Variants in FASTKD3 observed in about 807,000 individuals in gnomAD.
The protein encoded by FASTKD3 is FAST kinase domain-containing protein 3, mitochondrial.
FASTKD3 carries 47 observed loss-of-function variants against 49.7 expected under a neutral mutation model. That is an observed-to-expected ratio of 0.95 (90% CI 0.75 to 1.21). FASTKD3 has a LOEUF of 1.21. FASTKD3 is among the 50% of genes most tolerant of loss of function. FASTKD3 has a pLI of 0.00. For synonymous variants in FASTKD3, 284 were observed against 288.6 expected, an observed-to-expected ratio of 0.98 and a Z score of 0.16; for missense variants, 748 against 765.7, an observed-to-expected ratio of 0.98 and a Z score of 0.27.
In FASTKD3 at chr5:7,866,816, G is replaced by A. The variant is rs145140718; in HGVS notation, c.1268C>T (p.Pro423Leu). ...EPFGKLNYLP[P>L]NASALFRKLE... is the part of the protein sequence containing the mutation. ...CTTTCTAAATAAAGCAGAGGCATTTGGTGGCAAATAATTGAGTTTCCCAAA... is the reference window on the plus strand; with the variant it reads ...CTTTCTAAATAAAGCAGAGGCATTTAGTGGCAAATAATTGAGTTTCCCAAA... Residue 423 changes from proline (P) to leucine (L), a missense_variant, in exon 2 of 7, where the codon CCA (proline) becomes CTA (leucine). This residue lies in a region of FASTKD3 where 564 missense variants were observed against 562.8 expected (regional missense o/e 1.00). Transcript: ENST00000264669. The A allele has an allele frequency of 3.1e-5, 50 of 1,614,126 alleles. No individual in the cohort carries two copies. The highest frequency in any genetic ancestry group is 4.2e-5 in the Non-Finnish European group (49 of 1,180,020).
intron 1 of FASTKD3, 144 bp from the exon 2 acceptor site, chr5:7,868,340 C>G (rs964955617): frequency 7.1e-6 from 3 of 423,744 alleles, no homozygotes; most frequent in Admixed American, 4.0e-5. Flanking sequence ...TGTAGGTATT[C>G]TATTAACTTA....
rs568992428 is a variant in FASTKD3 at position 7,863,250 on chromosome 5, A to G, written c.1525-253T>C. ...CACTGGTTACCATAAACAGAAAGAA[A>G]AGTAAAGAAGGAAGGTAAAAAGGAG... On this transcript the variant is annotated intron_variant, in intron 3 of 6. Coordinates refer to ENST00000264669, the MANE Select transcript of FASTKD3 (RefSeq NM_024091.4). 2.8e-5 allele frequency: 12 copies of G among 431,812 alleles called. No individual in the cohort carries two copies. In the South Asian group the frequency reaches 2.9e-4, roughly 10 times the overall value. The allele number at this position is 431,812 out of a possible 1,614,324, so 26.7% of individuals were successfully genotyped here. A position where few individuals can be genotyped will look rare whatever the true frequency, so the allele number is the denominator to read the frequency against.
intron 4 of FASTKD3, 148 bp from the exon 5 acceptor site, chr5:7,861,800 A>G (rs1746567736): frequency 8.1e-6 from 11 of 1,366,254 alleles, no homozygotes; most frequent in Non-Finnish European, 1.0e-5. Context: ...ACAACCAAAC[A>G]ATGGTGAGAA....
intron 6 of FASTKD3, 55 bp downstream of exon 6, chr5:7,861,093 AT>A: frequency 9.4e-7 from 1 of 1,068,728 alleles, no homozygotes. Context: ...ACCTGGAAAA[AT>A]AATTTTGAAA....
chr5:7,867,524 A>C lies in FASTKD3; in HGVS notation c.560T>G (p.Leu187Arg), dbSNP rs772742556. ...GCTACTTTGAGGATCCACATGCAAC[A>C]GAATCAGAGCTTGCAAAGCAGTCAC... ...SLVTALQALI[L>R]LHVDPQSSLL... Residue 187 changes from leucine to arginine, a missense_variant, in exon 2 of 7, where the codon CTG becomes CGG. Physicochemically the swap from Leu to Arg is moderately radical, Grantham distance 102. Coordinates refer to ENST00000264669, the MANE Select transcript of FASTKD3 (RefSeq NM_024091.4). 6.2e-7 allele frequency: 1 copy of C among 1,614,166 alleles called. No individual in the cohort carries two copies. The highest frequency in any genetic ancestry group is 8.5e-7 in the Non-Finnish European group (1 of 1,180,060).
At position 7,868,206 on chromosome 5, in the gene FASTKD3, A is replaced by G. The variant is rs1579567441; in HGVS notation, c.-113-10T>C. 1.0e-5 allele frequency: 4 copies of G among 398,568 alleles called. No homozygotes were observed. Among genetic ancestry groups the G allele is most frequent in the East Asian group, 1.2e-4 (2 of 16,882 alleles). 24.7% of individuals were successfully genotyped at this position (398,568 alleles called of 1,614,324 possible). A position where few individuals can be genotyped will look rare whatever the true frequency, so the allele number is the denominator to read the frequency against. ...AACTACAAACGAGTATCTGGAAAAA[A>G]AAAAAAAAAAAAAAAAAGGATGGTT... On this transcript the variant is annotated splice_polypyrimidine_tract_variant and intron_variant, in intron 1 of 6. Coordinates refer to ENST00000264669, the MANE Select transcript of FASTKD3 (RefSeq NM_024091.4).
intron 4 of FASTKD3, 170 bp from the exon 5 acceptor site, chr5:7,861,822 T>C (rs747798900): frequency 1.8e-5 from 24 of 1,328,934 alleles, no homozygotes; most frequent in Admixed American, 3.1e-5. Context: ...TTTAATTCAA[T>C]TGGCTTTATG....
At position 7,867,295 on chromosome 5, in the gene FASTKD3, C is replaced by G. The variant is rs1220964614; in HGVS notation, c.789G>C (p.Leu263Phe). 1.2e-5 allele frequency: 20 copies of G among 1,613,582 alleles called. No homozygotes were observed. The highest frequency in any genetic ancestry group is 5.0e-5 in the Admixed American group (3 of 60,004). ...PEDIVALYRI[L>F]QACTEKVDEH... ...CATCCACTTTTTCAGTACATGCCTG[C>G]AAGATTCTATAAAGGGCCACAATAT... is the stretch of plus-strand genomic sequence containing the variant. The change falls in exon 2 of 7, where the codon TTG (leucine) becomes TTC (phenylalanine). Residue 263 changes from leucine to phenylalanine, a missense_variant. By Grantham distance (22) the Leu-to-Phe change is conservative. Transcript: ENST00000264669.
chr5:7,860,514 T>C (rs1262109524), intron 6 of FASTKD3, among the ~76,000 whole-genome samples: 1 of 152,204 alleles, frequency 6.6e-6, no homozygotes, highest in African/African-American at 2.4e-5. Flanking sequence ...ATAATGAATA[T>C]AGGTAGGCCC....
At chr5:7,868,286 C>T in intron 1 of FASTKD3, 90 bp from the exon 2 acceptor site, 1 of 511,234 alleles carries the variant, frequency 2.0e-6, no homozygotes, top group Non-Finnish European at 3.4e-6. Flanking sequence ...AGAAGAGTGG[C>T]TGACATTGAA....
chr5:7,867,892 C>T lies in FASTKD3; in HGVS notation c.192G>A (p.Lys64=), dbSNP rs756768452. The change falls in exon 2 of 7, where the codon AAG becomes AAA. Residue 64 remains lysine (K), a synonymous_variant. Transcript: ENST00000264669. ...GVKFHHAHCK[K]FHSKNGNDLH... The stretch of plus-strand genomic sequence containing the variant: ...GGTCATTTCCATTTTTCGAATGAAA[C>T]TTTTTACAATGGGCATGATGGAATT... 2.5e-6 allele frequency: 4 copies of T among 1,613,886 alleles called. No individual in the cohort carries two copies. Among genetic ancestry groups the T allele is most frequent in the South Asian group, 1.1e-5 (1 of 91,048 alleles).
At position 7,867,983 on chromosome 5, in the gene FASTKD3, T is replaced by C; in HGVS notation, c.101A>G (p.His34Arg). Reference protein sequence around the residue: ...ALKNKPLNHVHKVVKERLCPW... With the variant: ...ALKNKPLNHVRKVVKERLCPW... ...GCACAGACGCTCCTTGACTACCTTG[T>C]GAACATGATTTAGAGGTTTATTTTT... Residue 34 changes from histidine (H) to arginine (R), a missense_variant, in exon 2 of 7, where the codon CAC (histidine) becomes CGC (arginine). By Grantham distance (29) the His-to-Arg change is conservative (BLOSUM62 0). This residue lies in a region of FASTKD3 where 564 missense variants were observed against 562.8 expected (regional missense o/e 1.00). Coordinates refer to ENST00000264669, the MANE Select transcript of FASTKD3 (RefSeq NM_024091.4). 1 of 1,614,174 alleles carries C rather than the reference T, an allele frequency of 6.2e-7. No homozygotes were observed. The highest frequency in any genetic ancestry group is 8.5e-7 in the Non-Finnish European group (1 of 1,180,030).
chr5:7,867,286 A>C lies in FASTKD3; in HGVS notation c.798T>G (p.Cys266Trp). 2 of 1,613,782 alleles carry C rather than the reference A, an allele frequency of 1.2e-6. No individual in the cohort carries two copies. Among genetic ancestry groups the C allele is most frequent in the Admixed American group, 3.3e-5 (2 of 60,032 alleles). Residue 266 changes from cysteine to tryptophan, a missense_variant, in exon 2 of 7, where the codon TGT becomes TGG. Transcript: ENST00000264669. Reference protein sequence around the residue: ...IVALYRILQACTEKVDEHQTF... With the variant: ...IVALYRILQAWTEKVDEHQTF... ...TTTGGTGTTCATCCACTTTTTCAGT[A>C]CATGCCTGCAAGATTCTATAAAGGG...
rs147816364 is a variant in FASTKD3, at chr5:7,865,295, T to A, written c.1524+603A>T. Among the ~76,000 whole-genome samples, 519 of 152,262 alleles carry A rather than the reference T, an allele frequency of 3.4e-3. 6 individuals are homozygous for A. Among genetic ancestry groups the A allele is most frequent in the African/African-American group, 0.012 (497 of 41,554 alleles). On this transcript the variant is annotated intron_variant, in intron 3 of 6. Transcript: ENST00000264669. ...AAAAAGGGGTATTTTTCCATTCTTA[T>A]TACCTTATTTCAAAAATCAGATACT...
chr5:7,864,550 TAAAGAC>T (rs907070519), intron 3 of FASTKD3, among the ~76,000 whole-genome samples: 16 of 152,248 alleles, frequency 1.1e-4, no homozygotes, highest in Admixed American at 6.5e-4. Flanking sequence ...AATGAGTCCT[TAAAGAC>T]AAACCATCCA....
At chr5:7,861,813 T>G in intron 4 of FASTKD3, 161 bp from the exon 5 acceptor site, 1 of 1,341,504 alleles carries the variant, frequency 7.5e-7, no homozygotes, top group Non-Finnish European at 9.6e-7. Flanking sequence ...GGTGAGAATT[T>G]TAATTCAATT....
rs982537931 is a variant in FASTKD3, at chr5:7,866,656, T to C, written c.1428A>G (p.Gln476=). The change falls in exon 2 of 7, where the codon CAA becomes CAG. Residue 476 remains glutamine, a synonymous_variant. Coordinates refer to ENST00000264669, the MANE Select transcript of FASTKD3 (RefSeq NM_024091.4). Reference sequence around the variant, plus strand: ...TTATAACCAACTCACCTTGCAGCCGTTGAAGGAAAAGAGGCTTGAATATTT... The same window carrying C: ...TTATAACCAACTCACCTTGCAGCCGCTGAAGGAAAAGAGGCTTGAATATTT... The part of the protein sequence containing the change: ...LAKIFKPLFL[Q]RLQGKESHLD... 5.7e-6 allele frequency: 9 copies of C among 1,583,912 alleles called. No individual in the cohort carries two copies. Among genetic ancestry groups the C allele is most frequent in the Non-Finnish European group, 7.7e-6 (9 of 1,167,838 alleles).
intron 4 of FASTKD3, among the ~76,000 whole-genome samples, chr5:7,862,431 G>A (rs1746617835): frequency 6.6e-6 from 1 of 152,110 alleles, no homozygotes; most frequent in Non-Finnish European, 1.5e-5. Context: ...TAGCCACATG[G>A]TCTAGTGGCT....
chr5:7,861,261 A>G lies in FASTKD3; in HGVS notation c.1772T>C (p.Ile591Thr), dbSNP rs1561092807. The change falls in exon 6 of 7, where the codon ATA becomes ACA. Residue 591 changes from isoleucine (I) to threonine (T), a missense_variant and splice_region_variant. Ile to Thr is a moderately conservative substitution (Grantham distance 89, BLOSUM62 -1). Around this residue, in one of 3 missense-constraint regions of FASTKD3, gnomAD observed 178 missense variants for 182.2 expected, o/e 0.98. Coordinates refer to ENST00000264669, the MANE Select transcript of FASTKD3 (RefSeq NM_024091.4). The stretch of plus-strand genomic sequence containing the variant: ...TTTTGGACCATCAATACACAGTGCT[A>G]TCCTGAAAAATAAAAAAGGAGAAAA... Reference protein sequence around the residue: ...STANEDIHKRIALCIDGPKRF... With the variant: ...STANEDIHKRTALCIDGPKRF... 6.7e-7 allele frequency: 1 copy of G among 1,494,456 alleles called. No homozygotes were observed. The highest frequency in any genetic ancestry group is 2.3e-5 in the East Asian group (1 of 43,452). 92.6% of individuals were successfully genotyped at this position (1,494,456 alleles called of 1,614,324 possible).
Sources: gnomAD v4.1 joint callset for allele counts (sites outside exome capture counted in the v4.1 genomes callset) on GRCh38, gnomAD v4.1.1 for gene constraint, gnomAD v4.1.1 regional missense constraint, MANE v1.5 for transcripts, NCBI Gene and HGNC (gene_info 2026-07-23, HGNC 2026-07-21) for gene names.